Variants in PIP4K2A observed in about 807,000 individuals in gnomAD.
The protein encoded by PIP4K2A is phosphatidylinositol 5-phosphate 4-kinase type-2 alpha.
A neutral mutation model predicts 42.9 loss-of-function variants in PIP4K2A; 14 were observed. That is an observed-to-expected ratio of 0.33 (90% confidence interval 0.22 to 0.51). The LOEUF is 0.51. Ranked by LOEUF, PIP4K2A falls within the 20% of genes least tolerant of loss-of-function variation. PIP4K2A has a pLI of 0.97. For missense variants in PIP4K2A, 434 were observed against 519.8 expected, an observed-to-expected ratio of 0.83 and a Z score of 1.61; for synonymous variants, 192 against 192.2, an observed-to-expected ratio of 1.00 and a Z score of 0.01.
intron 6 of PIP4K2A, among the ~76,000 whole-genome samples, chr10:22,562,252 TTAA>T (rs1338920887): frequency 1.3e-5 from 2 of 152,004 alleles, no homozygotes; most frequent in African/African-American, 4.8e-5. Flanking sequence ...AACAATGTTT[TTAA>T]GAGTTCGGCT....
chr10:22,707,697 C>T (rs1208338830), intron 1 of PIP4K2A, among the ~76,000 whole-genome samples: 8 of 152,170 alleles, frequency 5.3e-5, no homozygotes, highest in Non-Finnish European at 1.0e-4. Flanking sequence ...GTGACCCAGG[C>T]GGGTAATCAA....
At chr10:22,671,685 G>A (rs1839452736) in intron 1 of PIP4K2A, among the ~76,000 whole-genome samples, 1 of 151,458 alleles carries the variant, frequency 6.6e-6, no homozygotes, top group Non-Finnish European at 1.5e-5. Context: ...TTGAAGAAAA[G>A]GTTACTGAGA....
intron 1 of PIP4K2A, among the ~76,000 whole-genome samples, chr10:22,660,207 A>C (rs1839176672): frequency 6.6e-6 from 1 of 152,174 alleles, no homozygotes; most frequent in Admixed American, 6.5e-5. Context: ...ACGGTGGCTC[A>C]TACCTGTAAT....
At chr10:22,538,973 T>C (rs1355603337) in intron 9 of PIP4K2A, among the ~76,000 whole-genome samples, 1 of 152,212 alleles carries the variant, frequency 6.6e-6, no homozygotes, top group African/African-American at 2.4e-5. Flanking sequence ...TGAATCTTCA[T>C]TAGTTCTACA....
At chr10:22,675,049 C>T (rs781777091) in intron 1 of PIP4K2A, among the ~76,000 whole-genome samples, 1 of 152,056 alleles carries the variant, frequency 6.6e-6, no homozygotes, top group Non-Finnish European at 1.5e-5. Flanking sequence ...TCAAAGAGAA[C>T]TTACTTTATT....
intron 8 of PIP4K2A, among the ~76,000 whole-genome samples, chr10:22,540,508 C>T (rs1029006066): frequency 6.6e-6 from 1 of 151,988 alleles, no homozygotes; most frequent in African/African-American, 2.4e-5. Context: ...GTTCATAATT[C>T]TCACTGGATA....
chr10:22,630,470 T>G (rs1157562112), intron 1 of PIP4K2A, among the ~76,000 whole-genome samples: 3 of 152,196 alleles, frequency 2.0e-5, no homozygotes, highest in Non-Finnish European at 4.4e-5. Context: ...AATACAGAAT[T>G]ACTAGATGAC....
chr10:22,601,540 A>C (rs1415862305), intron 3 of PIP4K2A, among the ~76,000 whole-genome samples: 2 of 152,198 alleles, frequency 1.3e-5, no homozygotes, highest in African/African-American at 4.8e-5. Context: ...CAGGGCAGCT[A>C]ACCTGTGAGG....
intron 1 of PIP4K2A, among the ~76,000 whole-genome samples, chr10:22,651,070 T>C (rs1838985441): frequency 1.3e-5 from 2 of 152,182 alleles, no homozygotes; most frequent in South Asian, 4.1e-4. Context: ...AACATCTCCA[T>C]TTAGAGGGCT....
chr10:22,539,920 AG>A lies in PIP4K2A; in HGVS notation c.1140+50del. 1.1e-5 allele frequency: 11 copies of A among 970,356 alleles called. No homozygotes were observed. The South Asian group carries it at 1.4e-4, about 13-fold the overall frequency. 60.1% of individuals were successfully genotyped at this position (970,356 alleles called of 1,614,324 possible). On this transcript the variant is annotated intron_variant, in intron 9 of 9. Transcript: ENST00000376573. ...GAGAGAGAGAGAGAGAGGGAGAGAG[AG>A]AGAGAGAGAGGGAGAGAAAGAGAGA... is the stretch of plus-strand genomic sequence containing the variant.
chr10:22,574,019 T>A (rs1037387021), intron 4 of PIP4K2A, among the ~76,000 whole-genome samples: 13 of 152,254 alleles, frequency 8.5e-5, no homozygotes, highest in African/African-American at 3.1e-4. Context: ...TGCCGGCAGA[T>A]GGGGACTGCC....
At chr10:22,576,852 G>T (rs994332373) in intron 4 of PIP4K2A, among the ~76,000 whole-genome samples, 1 of 152,100 alleles carries the variant, frequency 6.6e-6, no homozygotes, top group Non-Finnish European at 1.5e-5. Context: ...AAGGTGGGCG[G>T]ATAGCTTGAG....
At chr10:22,671,776 G>A (rs947278837) in intron 1 of PIP4K2A, among the ~76,000 whole-genome samples, 1 of 129,098 alleles carries the variant, frequency 7.7e-6, no homozygotes, top group African/African-American at 3.7e-5. Flanking sequence ...ACACACACAC[G>A]TGGTCTAGGA....
At chr10:22,611,814 G>A (rs189448122) in intron 1 of PIP4K2A, among the ~76,000 whole-genome samples, 1 of 152,326 alleles carries the variant, frequency 6.6e-6, no homozygotes, top group East Asian at 1.9e-4. Context: ...TAAACACAAT[G>A]CGAATGAAGC....
intron 1 of PIP4K2A, among the ~76,000 whole-genome samples, chr10:22,671,101 C>T (rs560025074): frequency 6.0e-4 from 91 of 152,034 alleles, no homozygotes; most frequent in Admixed American, 1.4e-3. Flanking sequence ...CCAGGGAAAG[C>T]GAACATATAT....
chr10:22,598,211 A>C (rs1837675505), intron 3 of PIP4K2A, among the ~76,000 whole-genome samples: 1 of 152,132 alleles, frequency 6.6e-6, no homozygotes. Context: ...TTAAAAAATT[A>C]GCCGGATGTG....
At chr10:22,604,986 G>A (rs1456743304) in intron 3 of PIP4K2A, among the ~76,000 whole-genome samples, 2 of 152,096 alleles carry the variant, frequency 1.3e-5, no homozygotes, top group African/African-American at 4.8e-5. Context: ...CTGTCACAAC[G>A]ACCCTCCTTT....
At chr10:22,620,511 A>G (rs551480873) in intron 1 of PIP4K2A, among the ~76,000 whole-genome samples, 2 of 152,324 alleles carry the variant, frequency 1.3e-5, no homozygotes, top group South Asian at 4.1e-4. Flanking sequence ...ACTTTAAAAA[A>G]CGAGTCTGAG....
At chr10:22,633,585 G>A (rs931868937) in intron 1 of PIP4K2A, among the ~76,000 whole-genome samples, 3 of 152,156 alleles carry the variant, frequency 2.0e-5, no homozygotes, top group Non-Finnish European at 4.4e-5. Flanking sequence ...AAGGGTACAG[G>A]CAGGGGAGGG....
Sources: allele counts gnomAD v4.1 joint callset (sites outside exome capture counted in the v4.1 genomes callset), GRCh38; gene constraint gnomAD v4.1.1; transcripts MANE v1.5; gene names NCBI Gene and HGNC (gene_info 2026-07-23, HGNC 2026-07-21).